The following R3HDM2 variants were observed in gnomAD, a reference collection of about 807,000 sequenced individuals.
The protein encoded by R3HDM2 is R3H domain-containing protein 2.
A neutral mutation model predicts 124.5 loss-of-function variants in R3HDM2; 38 were observed. The observed-to-expected ratio is 0.31, with a 90% CI of 0.24 to 0.40. The LOEUF is 0.40. R3HDM2 is among the 10% of genes least tolerant of loss of function. R3HDM2 has a pLI of 1.00. For synonymous variants in R3HDM2, 391 were observed against 448.0 expected (o/e 0.87, Z 1.61); for missense variants, 869 against 1,236.9 (o/e 0.70, Z 4.46).
At chr12:57,401,686 T>C (rs1224562438) in intron 1 of R3HDM2, among the ~76,000 whole-genome samples, 1 of 152,212 alleles carries the variant, frequency 6.6e-6, no homozygotes, top group Admixed American at 6.5e-5. Flanking sequence ...AGTTTCTCAA[T>C]ACTTAAAGAC....
In R3HDM2 at chr12:57,299,386, G is replaced by GT; in HGVS notation, c.386dup (p.Asn129LysfsTer28). 1 of 1,549,464 alleles carries GT rather than the reference G, an allele frequency of 6.5e-7. No individual in the cohort carries two copies. Among genetic ancestry groups the GT allele is most frequent in the Non-Finnish European group, 8.7e-7 (1 of 1,144,692 alleles). On this transcript the variant is annotated frameshift_variant, in exon 6 of 24. Transcript: ENST00000402412. LOFTEE classifies it high-confidence loss of function. ...GCATCTTCCTTGGGATCTTTTCTTTGTTTTTGTCCTTGTCTTCCTTTTCAG... is the reference window on the plus strand; with the variant it reads ...GCATCTTCCTTGGGATCTTTTCTTTGTTTTTTGTCCTTGTCTTCCTTTTCAG...
At chr12:57,317,188 G>GTT (rs5798404) in intron 2 of R3HDM2, among the ~76,000 whole-genome samples, 15 of 148,570 alleles carry the variant, frequency 1.0e-4, no homozygotes, top group Admixed American at 2.7e-4. Context: ...GGCTTTTTGT[G>GTT]TTTTTTTTTG....
chr12:57,360,010 T>C (rs187096571), intron 2 of R3HDM2, among the ~76,000 whole-genome samples: 1 of 88,598 alleles, frequency 1.1e-5, no homozygotes, highest in Non-Finnish European at 2.4e-5. Context: ...TAAATAAATA[T>C]ATATATATAT....
intron 1 of R3HDM2, among the ~76,000 whole-genome samples, chr12:57,414,129 G>A (rs562815127): frequency 4.8e-4 from 72 of 150,922 alleles, no homozygotes; most frequent in African/African-American, 3.2e-4. Flanking sequence ...GATCACAGGC[G>A]TGAGCCACCT....
intron 14 of R3HDM2, among the ~76,000 whole-genome samples, chr12:57,276,148 T>C (rs2044670680): frequency 6.7e-6 from 1 of 150,154 alleles, no homozygotes; most frequent in South Asian, 2.1e-4. Flanking sequence ...ACCCGGAGCT[T>C]GCAGTGAGTC....
intron 1 of R3HDM2, among the ~76,000 whole-genome samples, chr12:57,397,954 C>T (rs904474968): frequency 2.6e-5 from 4 of 152,132 alleles, no homozygotes; most frequent in Non-Finnish European, 5.9e-5. Context: ...GAGGCTAAGG[C>T]GGGCGAATCA....
intron 1 of R3HDM2, among the ~76,000 whole-genome samples, chr12:57,396,182 G>A (rs2067471695): frequency 6.6e-6 from 1 of 152,192 alleles, no homozygotes; most frequent in Non-Finnish European, 1.5e-5. Flanking sequence ...GCTCACGCCT[G>A]TAATCCCAGC....
intron 2 of R3HDM2, among the ~76,000 whole-genome samples, chr12:57,311,024 T>C (rs1404363363): frequency 1.3e-5 from 2 of 152,038 alleles, no homozygotes; most frequent in African/African-American, 4.8e-5. Flanking sequence ...GCTCAATCAC[T>C]TCACCCATTA....
intron 15 of R3HDM2, 44 bp downstream of exon 15, chr12:57,269,708 C>T (rs1322546159): frequency 1.2e-6 from 2 of 1,612,390 alleles, no homozygotes; most frequent in Non-Finnish European, 1.7e-6. Flanking sequence ...TAATACTAGA[C>T]AAACTGAATT....
At chr12:57,403,496 A>G (rs1445365556) in intron 1 of R3HDM2, among the ~76,000 whole-genome samples, 1 of 149,462 alleles carries the variant, frequency 6.7e-6, no homozygotes, top group East Asian at 2.0e-4. Context: ...CAGTCTCAAA[A>G]AAAAATAAAA....
At chr12:57,274,475 TCAAAC>T (rs1225523432) in intron 14 of R3HDM2, among the ~76,000 whole-genome samples, 2 of 151,626 alleles carry the variant, frequency 1.3e-5, no homozygotes, top group African/African-American at 2.4e-5. Context: ...AGACTCCGTC[TCAAAC>T]AAAACAAAAC....
At chr12:57,371,777 C>T (rs571193586) in intron 2 of R3HDM2, among the ~76,000 whole-genome samples, 1 of 152,316 alleles carries the variant, frequency 6.6e-6, no homozygotes, top group Admixed American at 6.5e-5. Flanking sequence ...TATGGCATAG[C>T]TTCTCTCTGT....
chr12:57,295,869 AT>A (rs1020818274), intron 9 of R3HDM2, among the ~76,000 whole-genome samples: 2 of 151,944 alleles, frequency 1.3e-5, no homozygotes, highest in South Asian at 2.1e-4. Context: ...ACTTAAAAAA[AT>A]TTTTTTTGTT....
intron 14 of R3HDM2, among the ~76,000 whole-genome samples, chr12:57,277,099 CAAA>C (rs11321648): frequency 6.6e-5 from 7 of 106,398 alleles, no homozygotes; most frequent in Admixed American, 9.9e-5. Context: ...AAATAATGAA[CAAA>C]AAAAAAAAAA....
intron 14 of R3HDM2, among the ~76,000 whole-genome samples, chr12:57,278,043 T>C (rs1191525796): frequency 2.0e-5 from 3 of 152,218 alleles, no homozygotes; most frequent in African/African-American, 7.2e-5. Context: ...GATGGTGGGA[T>C]AATTTTTAGC....
rs560023943 is a variant in R3HDM2 at position 57,350,635 on chromosome 12, A to T, written c.-35-40172T>A. On this transcript the variant is annotated intron_variant, in intron 2 of 23. Coordinates refer to ENST00000402412, the MANE Select transcript of R3HDM2 (RefSeq NM_001394031.1). ...GCAACAGAGCAAGACCTCACTCAAA[A>T]AATAACTAAAACCAAAAACAAACAA... Among the ~76,000 whole-genome samples the T allele has an allele frequency of 2.0e-5, 3 of 152,284 alleles. No homozygotes were observed. In the South Asian group the frequency reaches 6.2e-4, roughly 32 times the overall value.
intron 14 of R3HDM2, among the ~76,000 whole-genome samples, chr12:57,275,542 C>T (rs1177703426): frequency 7.0e-6 from 1 of 143,112 alleles, no homozygotes; most frequent in Non-Finnish European, 1.5e-5. Flanking sequence ...AGACAAACCA[C>T]AAAGTGGGAG....
At chr12:57,365,340 C>A (rs1474954976) in intron 2 of R3HDM2, among the ~76,000 whole-genome samples, 2 of 151,768 alleles carry the variant, frequency 1.3e-5, no homozygotes, top group Admixed American at 1.3e-4. Context: ...TTATTCACCT[C>A]TTTAATGGCC....
chr12:57,317,033 C>A (rs888625903), intron 2 of R3HDM2, among the ~76,000 whole-genome samples: 4 of 152,032 alleles, frequency 2.6e-5, no homozygotes, highest in Non-Finnish European at 5.9e-5. Context: ...AGGCGTGAGA[C>A]ATCGCACCTG....
Sources: gnomAD v4.1 joint callset for allele counts (sites outside exome capture counted in the v4.1 genomes callset) on GRCh38, gnomAD v4.1.1 for gene constraint, MANE v1.5 for transcripts, NCBI Gene and HGNC (gene_info 2026-07-23, HGNC 2026-07-21) for gene names.